The following ANKRD35 variants were observed in gnomAD, a reference collection of about 807,000 sequenced individuals.
ANKRD35 encodes the protein ankyrin repeat domain-containing protein 35.
In ANKRD35, 102 loss-of-function variants were observed where a neutral mutation model predicts 109.9. The ratio of observed to expected loss-of-function variants is 0.93; its 90% CI spans 0.79 to 1.09. ANKRD35 has a LOEUF of 1.09. Among genes scored for constraint, ANKRD35 ranks in the 50% least tolerant of loss-of-function variants. ANKRD35 has a pLI of 0.00. For synonymous variants in ANKRD35, 515 were observed against 512.4 expected, an observed-to-expected ratio of 1.01 and a Z score of -0.07; for missense variants, 1,240 against 1,230.1, an observed-to-expected ratio of 1.01 and a Z score of -0.12.
rs375364973 is a variant in ANKRD35, at chr1:145,879,389, C to T, written c.40-1G>A. ...GATCATGGCGGTTCCATCTCTCCACCTGGTCCAGAGCCACAGGTTGTGTGA... is the reference window on the plus strand; with the variant it reads ...GATCATGGCGGTTCCATCTCTCCACTTGGTCCAGAGCCACAGGTTGTGTGA... On this transcript the variant is annotated splice_acceptor_variant, in intron 1 of 13. Transcript: ENST00000355594. LOFTEE classifies it high-confidence loss of function. 3 of 1,569,504 alleles carry T rather than the reference C, an allele frequency of 1.9e-6. No individual in the cohort carries two copies. Among genetic ancestry groups the T allele is most frequent in the Non-Finnish European group, 8.7e-7 (1 of 1,155,962 alleles).
Position 145,873,216 on chromosome 1 carries a change from ATGACCGGTCT to A in ANKRD35, c.1543_1552del (p.Arg515TrpfsTer40), listed in dbSNP as rs782820968. On this transcript the variant is annotated frameshift_variant, in exon 10 of 14. Transcript: ENST00000355594. LOFTEE classifies it high-confidence loss of function. ...ACGGGGAGTCCCCAGGGCTCCCTCC[ATGACCGGTCT>A]TGACAAAGCCCCCCGGGCAGCATCC... 79 of 1,614,088 alleles carry A rather than the reference ATGACCGGTCT, an allele frequency of 4.9e-5. No homozygotes were observed. In the African/African-American group the frequency reaches 9.9e-4, roughly 20 times the overall value.
chr1:145,872,305 C>G lies in ANKRD35; in HGVS notation c.2464G>C (p.Ala822Pro), dbSNP rs1653858495. ...GCTGCCTCCCGGGCCCTTAGCTCAG[C>G]CACTTCCTCTGTGGCTTGGTAGAGC... ...QLLYQATEEV[A>P]ELRAREAASL... Residue 822 changes from alanine (A) to proline (P), a missense_variant, in exon 10 of 14, where the codon GCT becomes CCT. Ala to Pro is a conservative substitution (Grantham distance 27). Coordinates refer to ENST00000355594, the MANE Select transcript of ANKRD35 (RefSeq NM_144698.5). The G allele has an allele frequency of 1.2e-6, 2 of 1,612,866 alleles. No individual in the cohort carries two copies. The highest frequency in any genetic ancestry group is 3.3e-5 in the Admixed American group (2 of 59,786).
intron 10 of ANKRD35, among the ~76,000 whole-genome samples, chr1:145,869,026 C>T (rs1429649694): frequency 1.3e-5 from 2 of 151,660 alleles, no homozygotes; most frequent in Admixed American, 6.6e-5. Context: ...TAAATGTGTT[C>T]CTAATTTTGT....
rs782592885 is a variant in ANKRD35 at position 145,885,781 on chromosome 1, G to A, written c.-23C>T. ...CATGGCCGGGGTCGGGGCCACGGGG[G>A]ATGGGGACGCGCAGAGAGCCGGGCC... On this transcript the variant is annotated 5_prime_UTR_variant, in exon 1 of 14. Transcript: ENST00000355594. The A allele has an allele frequency of 1.9e-6, 3 of 1,586,456 alleles. No homozygotes were observed. Among genetic ancestry groups the A allele is most frequent in the South Asian group, 1.1e-5 (1 of 90,428 alleles).
Position 145,872,985 on chromosome 1 carries a change from G to A in ANKRD35, c.1784C>T (p.Pro595Leu), listed in dbSNP as rs1365116776. Residue 595 changes from proline to leucine, a missense_variant, in exon 10 of 14, where the codon CCT becomes CTT. Physicochemically the swap from Pro to Leu is moderately conservative, Grantham distance 98 (BLOSUM62 -3). Coordinates refer to ENST00000355594, the MANE Select transcript of ANKRD35 (RefSeq NM_144698.5). ...EKRVPGAQGE[P>L]LGALGGEKAL... The stretch of plus-strand genomic sequence containing the variant: ...CTTTTCCCCTCCAAGGGCCCCTAGA[G>A]GCTCTCCTTGAGCCCCAGGAACCCT... 1.2e-6 allele frequency: 2 copies of A among 1,610,346 alleles called. No individual in the cohort carries two copies. The highest frequency in any genetic ancestry group is 1.7e-6 in the Non-Finnish European group (2 of 1,178,452).
intron 1 of ANKRD35, among the ~76,000 whole-genome samples, chr1:145,882,524 C>T (rs868976315): frequency 6.7e-6 from 1 of 150,124 alleles, no homozygotes; most frequent in South Asian, 2.1e-4. Flanking sequence ...AACTCCTGGG[C>T]TCAAGTGATC....
Position 145,872,433 on chromosome 1 carries a change from A to T in ANKRD35, c.2336T>A (p.Val779Glu). The change falls in exon 10 of 14, where the codon GTG becomes GAG. Residue 779 changes from valine to glutamate, a missense_variant. Transcript: ENST00000355594. ...TSLKAPASPQ[V>E]AALEQDLGKL... The stretch of plus-strand genomic sequence containing the variant: ...CCCCAGGTCTTGCTCCAGAGCGGCC[A>T]CTTGGGGGGATGCTGGGGCCTTTAA... 6.2e-7 allele frequency: 1 copy of T among 1,611,928 alleles called. No individual in the cohort carries two copies. Among genetic ancestry groups the T allele is most frequent in the Non-Finnish European group, 8.5e-7 (1 of 1,179,454 alleles).
At chr1:145,876,948 C>A in intron 4 of ANKRD35, 75 bp from the exon 5 acceptor site, 1 of 1,492,330 alleles carries the variant, frequency 6.7e-7, no homozygotes, top group Non-Finnish European at 9.3e-7. Context: ...ATTGGGTCAC[C>A]AATTTCCATG....
chr1:145,880,156 C>T (rs587726101), intron 1 of ANKRD35, among the ~76,000 whole-genome samples: 1 of 152,286 alleles, frequency 6.6e-6, no homozygotes, highest in East Asian at 1.9e-4. Flanking sequence ...AACAGCCACA[C>T]CTGGGCATGC....
intron 1 of ANKRD35, among the ~76,000 whole-genome samples, chr1:145,880,679 A>G (rs1654253111): frequency 6.6e-6 from 1 of 152,224 alleles, no homozygotes; most frequent in Non-Finnish European, 1.5e-5. Context: ...GAAGAAAAAT[A>G]GGGTCTGTGG....
At chr1:145,883,649 T>C in intron 1 of ANKRD35, among the ~76,000 whole-genome samples, 1 of 152,288 alleles carries the variant, frequency 6.6e-6, no homozygotes, top group Non-Finnish European at 1.5e-5. Flanking sequence ...TGAGTGGAGA[T>C]GGGTAGAGGC....
At chr1:145,874,334 C>A in intron 8 of ANKRD35, 142 bp from the exon 9 acceptor site, 1 of 954,696 alleles carries the variant, frequency 1.0e-6, no homozygotes, top group Non-Finnish European at 1.6e-6. Context: ...TGCCAGAAGC[C>A]AATCTTGTTT....
Position 145,872,870 on chromosome 1 carries a change from C to G in ANKRD35, c.1899G>C (p.Glu633Asp). ...GCAACCTCTGCCGCTCCCGCCCCAACTCCCCTAACTCCTCCAGCAAGTTAC... is the reference window on the plus strand; with the variant it reads ...GCAACCTCTGCCGCTCCCGCCCCAAGTCCCCTAACTCCTCCAGCAAGTTAC... ...SNSNLLEELGELGRERQRLQR... is the reference protein window; with the variant it reads ...SNSNLLEELGDLGRERQRLQR... The change falls in exon 10 of 14, where the codon GAG becomes GAC. Residue 633 changes from glutamate to aspartate, a missense_variant. By Grantham distance (45) the Glu-to-Asp change is conservative. Coordinates refer to ENST00000355594, the MANE Select transcript of ANKRD35 (RefSeq NM_144698.5). 1 of 1,614,160 alleles carries G rather than the reference C, an allele frequency of 6.2e-7. No homozygotes were observed. Among genetic ancestry groups the G allele is most frequent in the African/African-American group, 1.3e-5 (1 of 75,058 alleles).
Position 145,874,136 on chromosome 1 carries a change from G to A in ANKRD35, c.783+19C>T, listed in dbSNP as rs782111904. On this transcript the variant is annotated intron_variant, in intron 9 of 13. Coordinates refer to ENST00000355594, the MANE Select transcript of ANKRD35 (RefSeq NM_144698.5). ...TGGGGTGTGTCAAAAGCAAAAGGGG[G>A]AGGCACTTAGGGTCTTACCTGGGAT... 3.7e-6 allele frequency: 6 copies of A among 1,613,986 alleles called. No individual in the cohort carries two copies. The highest frequency in any genetic ancestry group is 4.2e-6 in the Non-Finnish European group (5 of 1,179,974).
At position 145,872,562 on chromosome 1, in the gene ANKRD35, A is replaced by G. The variant is rs1258918471; in HGVS notation, c.2207T>C (p.Leu736Pro). 6.2e-7 allele frequency: 1 copy of G among 1,610,800 alleles called. No individual in the cohort carries two copies. The highest frequency in any genetic ancestry group is 2.2e-5 in the East Asian group (1 of 44,768). Residue 736 changes from leucine to proline, a missense_variant, in exon 10 of 14, where the codon CTG (leucine) becomes CCG (proline). Transcript: ENST00000355594. ...LEELRACIST[L>P]VDRHREAQQV... The stretch of plus-strand genomic sequence containing the variant: ...CTGGGCCTCCCGGTGCCGATCCACC[A>G]GGGTGCTGATGCAGGCCCGCAGCTC...
At position 145,883,980 on chromosome 1, in the gene ANKRD35, A is replaced by G. The variant is rs587606455; in HGVS notation, c.39+1740T>C. Among the ~76,000 whole-genome samples the G allele has an allele frequency of 2.6e-5, 4 of 152,300 alleles. No individual in the cohort carries two copies. In the South Asian group the frequency reaches 8.3e-4, roughly 32 times the overall value. On this transcript the variant is annotated intron_variant, in intron 1 of 13. Transcript: ENST00000355594. ...AGTTTAGAATGGGTGGTCATTCTTT[A>G]TGGTCAAACCTCTGTACAGCTAGAA...
chr1:145,868,079 A>T (rs1553738024), intron 11 of ANKRD35, 23 bp from the exon 12 acceptor site: 1 of 1,611,394 alleles, frequency 6.2e-7, no homozygotes, highest in Non-Finnish European at 8.5e-7. Context: ...ATCAATGGGA[A>T]GTCACATGTC....
chr1:145,879,429 G>A lies in ANKRD35; in HGVS notation c.40-41C>T, dbSNP rs369152779. 109 of 1,403,034 alleles carry A rather than the reference G, an allele frequency of 7.8e-5. No individual in the cohort carries two copies. The African/African-American group carries it at 1.5e-3, about 19-fold the overall frequency. 86.9% of individuals were successfully genotyped at this position (1,403,034 alleles called of 1,614,324 possible). ...AGGTTGTGTGAATATAGGGCATGAG[G>A]GTAGTGTGGAGAAAGAAAAGAGGCA... On this transcript the variant is annotated intron_variant, in intron 1 of 13. Coordinates refer to ENST00000355594, the MANE Select transcript of ANKRD35 (RefSeq NM_144698.5).
Position 145,874,908 on chromosome 1 carries a change from T to A in ANKRD35, c.659A>T (p.His220Leu). ...GTGCAGAGCATAGTGCAGAGCATCA[T>A]GCCCTGTGCTGTCCACAGCCCCCGC... The part of the protein sequence containing the change: ...ADAGAVDSTG[H>L]DALHYALHTQ... Residue 220 changes from histidine to leucine, a missense_variant, in exon 8 of 14, where the codon CAT becomes CTT. Transcript: ENST00000355594. 1 of 1,613,868 alleles carries A rather than the reference T, an allele frequency of 6.2e-7. No homozygotes were observed. The highest frequency in any genetic ancestry group is 8.5e-7 in the Non-Finnish European group (1 of 1,179,892).
Sources: allele counts gnomAD v4.1 joint callset (sites outside exome capture counted in the v4.1 genomes callset), GRCh38; gene constraint gnomAD v4.1.1; transcripts MANE v1.5; gene names NCBI Gene and HGNC (gene_info 2026-07-23, HGNC 2026-07-21).